The following ANKS1B variants were observed in gnomAD, a reference collection of about 807,000 sequenced individuals.
The protein encoded by ANKS1B is ankyrin repeat and sterile alpha motif domain-containing protein 1B.
ANKS1B carries 36 observed loss-of-function variants against 148.3 expected under a neutral mutation model. That is an observed-to-expected ratio of 0.24 (90% CI 0.19 to 0.32). The LOEUF (loss-of-function observed/expected upper bound fraction) is 0.32. ANKS1B is among the 10% of genes least tolerant of loss of function. The pLI, the probability that ANKS1B is intolerant of heterozygous loss-of-function variation, is 1.00. For synonymous variants in ANKS1B, 542 were observed against 560.8 expected (o/e 0.97, Z 0.47); for missense variants, 1,157 against 1,542.6 (o/e 0.75, Z 4.19).
At position 99,415,092 on chromosome 12, in the gene ANKS1B, T is replaced by C. The variant is rs554742303; in HGVS notation, c.1576-15281A>G. Reference sequence around the variant, plus strand: ...ATAAAGGTCAAAAGTAGTTTTGGACTCAATGTAGATATTAAAGACCTGAAA... The same window carrying C: ...ATAAAGGTCAAAAGTAGTTTTGGACCCAATGTAGATATTAAAGACCTGAAA... On this transcript the variant is annotated intron_variant, in intron 11 of 26. Coordinates refer to ENST00000683438, the MANE Select transcript of ANKS1B (RefSeq NM_001352186.2). 1.2e-4 allele frequency among the ~76,000 whole-genome samples: 19 copies of C among 152,318 alleles called. No individual in the cohort carries two copies. The East Asian group carries it at 3.7e-3, about 29-fold the overall frequency.
chr12:98,760,289 G>A (rs1371495457), intron 25 of ANKS1B, among the ~76,000 whole-genome samples: 1 of 150,784 alleles, frequency 6.6e-6, no homozygotes, highest in Non-Finnish European at 1.5e-5. Flanking sequence ...TTTTGAGACA[G>A]GGTCTTGCTC....
At chr12:98,932,222 C>A (rs115094161) in intron 17 of ANKS1B, among the ~76,000 whole-genome samples, 2,562 of 152,218 alleles carry the variant, frequency 0.017, 67 homozygotes, top group African/African-American at 0.054. Context: ...TTCCAATCAG[C>A]CCTGCAGCTC....
At chr12:99,208,840 T>C (rs1448267419) in intron 14 of ANKS1B, among the ~76,000 whole-genome samples, 1 of 152,222 alleles carries the variant, frequency 6.6e-6, no homozygotes, top group Non-Finnish European at 1.5e-5. Flanking sequence ...AAAAGCTTTT[T>C]TTTAAACCTA....
At chr12:99,271,794 A>G (rs181771370) in intron 12 of ANKS1B, among the ~76,000 whole-genome samples, 3 of 151,588 alleles carry the variant, frequency 2.0e-5, no homozygotes, top group African/African-American at 7.3e-5. Context: ...TTGGTGGGGA[A>G]GAAGGATGAA....
intron 17 of ANKS1B, among the ~76,000 whole-genome samples, chr12:98,881,498 C>T (rs1207809916): frequency 6.6e-6 from 1 of 152,112 alleles, no homozygotes; most frequent in Non-Finnish European, 1.5e-5. Context: ...GGTAATAACT[C>T]ATCTTTGTGC....
intron 14 of ANKS1B, among the ~76,000 whole-genome samples, chr12:99,169,683 G>A (rs1365681854): frequency 6.6e-6 from 1 of 152,052 alleles, no homozygotes; most frequent in Non-Finnish European, 1.5e-5. Flanking sequence ...TTATTTACTG[G>A]GAGTCAGCTT....
In ANKS1B at chr12:99,705,225, C is replaced by A. The variant is rs373859453; in HGVS notation, c.1129-50015G>T. Among the ~76,000 whole-genome samples the A allele has an allele frequency of 1.8e-3, 275 of 152,234 alleles. 9 individuals carry two copies. In the South Asian group the frequency reaches 0.054, roughly 30 times the overall value. On this transcript the variant is annotated intron_variant, in intron 8 of 26. Transcript: ENST00000683438. ...CTATCCGTCCCTCAATCTTGCAAAA[C>A]ACTGAAGATTTCTTCTCTTAGAAGA... is the stretch of plus-strand genomic sequence containing the variant.
At chr12:99,677,814 A>G (rs1221623347) in intron 8 of ANKS1B, among the ~76,000 whole-genome samples, 3 of 152,166 alleles carry the variant, frequency 2.0e-5, no homozygotes, top group African/African-American at 7.2e-5. Context: ...TCTACTAAAA[A>G]TACAAAAAAT....
intron 9 of ANKS1B, among the ~76,000 whole-genome samples, chr12:99,617,270 G>C (rs191810261): frequency 4.2e-4 from 64 of 152,286 alleles, no homozygotes; most frequent in Admixed American, 7.2e-4. Flanking sequence ...AATACCATTT[G>C]AGCCAGCAAT....
chr12:99,846,917 G>A (rs1002675735), intron 1 of ANKS1B, among the ~76,000 whole-genome samples: 4 of 151,928 alleles, frequency 2.6e-5, no homozygotes, highest in East Asian at 1.9e-4. Context: ...CCTCCCATAG[G>A]TGTAGAAGAA....
chr12:98,789,206 G>T (rs777523783), intron 22 of ANKS1B, among the ~76,000 whole-genome samples: 1 of 152,090 alleles, frequency 6.6e-6, no homozygotes, highest in Non-Finnish European at 1.5e-5. Context: ...AGCTGGACGT[G>T]GTGACGGGCG....
chr12:99,753,153 C>T (rs1053304332), intron 8 of ANKS1B, among the ~76,000 whole-genome samples: 5 of 152,026 alleles, frequency 3.3e-5, no homozygotes, highest in African/African-American at 7.2e-5. Flanking sequence ...TTCTGAGAGT[C>T]TCCATCTGTT....
intron 1 of ANKS1B, among the ~76,000 whole-genome samples, chr12:99,869,416 G>A (rs1415779625): frequency 2.0e-5 from 3 of 152,114 alleles, no homozygotes; most frequent in African/African-American, 7.2e-5. Context: ...GCTCACGCCT[G>A]TAATCCCAGC....
chr12:99,246,943 T>G, intron 12 of ANKS1B, 79 bp from the exon 13 acceptor site: 1 of 1,105,032 alleles, frequency 9.0e-7, no homozygotes, highest in Non-Finnish European at 1.3e-6. Context: ...CTTATGAACA[T>G]GTGGGCTATC....
At chr12:99,892,396 G>T (rs778203005) in intron 1 of ANKS1B, among the ~76,000 whole-genome samples, 1 of 152,130 alleles carries the variant, frequency 6.6e-6, no homozygotes, top group Non-Finnish European at 1.5e-5. Context: ...ACACCGTAAA[G>T]GGATTTTTTA....
intron 10 of ANKS1B, among the ~76,000 whole-genome samples, chr12:99,450,329 C>T (rs568620256): frequency 6.6e-6 from 1 of 152,170 alleles, no homozygotes; most frequent in Non-Finnish European, 1.5e-5. Context: ...TAATCTCATC[C>T]AAAAACACCT....
chr12:99,514,539 A>C (rs2096796989), intron 9 of ANKS1B, among the ~76,000 whole-genome samples: 2 of 152,046 alleles, frequency 1.3e-5, no homozygotes, highest in South Asian at 4.1e-4. Flanking sequence ...AATCCAGCCA[A>C]TGCTACTATC....
Position 99,019,380 on chromosome 12 carries a change from A to G in ANKS1B, c.2778+33777T>C, listed in dbSNP as rs77944808. On this transcript the variant is annotated intron_variant, in intron 17 of 26. Transcript: ENST00000683438. Reference sequence around the variant, plus strand: ...TAAAACTGTGTAAGAATTTGAAAAGAGGATACAGGGCATTGAGGGGATTGA... The same window carrying G: ...TAAAACTGTGTAAGAATTTGAAAAGGGGATACAGGGCATTGAGGGGATTGA... Among the ~76,000 whole-genome samples, 29 of 152,316 alleles carry G rather than the reference A, an allele frequency of 1.9e-4. No homozygotes were observed. In the East Asian group the frequency reaches 5.4e-3, roughly 28 times the overall value.
chr12:99,442,093 A>G (rs2095558865), intron 11 of ANKS1B, among the ~76,000 whole-genome samples: 1 of 151,944 alleles, frequency 6.6e-6, no homozygotes, highest in South Asian at 2.1e-4. Context: ...AAACACCTTC[A>G]TATGAGAGAA....
Sources: gnomAD v4.1 joint callset for allele counts (sites outside exome capture counted in the v4.1 genomes callset) on GRCh38, gnomAD v4.1.1 for gene constraint, MANE v1.5 for transcripts, NCBI Gene and HGNC (gene_info 2026-07-23, HGNC 2026-07-21) for gene names.